The following TSPEAR variants were observed in gnomAD, a reference collection of about 807,000 sequenced individuals.
TSPEAR encodes thrombospondin-type laminin G domain and EAR repeat-containing protein.
Under a neutral mutation model 71.6 loss-of-function variants are expected in TSPEAR, and 69 were observed. The ratio of observed to expected loss-of-function variants is 0.96; its 90% confidence interval spans 0.79 to 1.18. The LOEUF (loss-of-function observed/expected upper bound fraction) is 1.18, where lower values mean the gene tolerates loss of function less well. Ranked by LOEUF, TSPEAR falls within the 50% of genes most tolerant of loss-of-function variation. The pLI, the probability that TSPEAR is intolerant of heterozygous loss-of-function variation, is 0.00. For synonymous variants in TSPEAR, 402 were observed against 387.2 expected, an observed-to-expected ratio of 1.04 and a Z score of -0.45; for missense variants, 971 against 894.9, an observed-to-expected ratio of 1.09 and a Z score of -1.09.
At position 44,697,154 on chromosome 21, in the gene TSPEAR, C is replaced by T. The variant is rs576915042; in HGVS notation, c.82+14279G>A. The T allele has an allele frequency of 3.8e-6, 6 of 1,594,076 alleles. No homozygotes were observed. The Admixed American group carries it at 6.8e-5, about 18-fold the overall frequency. ...CATCCAGCACCCAGACACTCACTGTCTCCCTCTCAGCTCCCCCAGCTCAAC... is the reference window on the plus strand; with the variant it reads ...CATCCAGCACCCAGACACTCACTGTTTCCCTCTCAGCTCCCCCAGCTCAAC... On this transcript the variant is annotated intron_variant, in intron 1 of 11. Coordinates refer to ENST00000323084, the MANE Select transcript of TSPEAR (RefSeq NM_144991.3).
At chr21:44,709,669 C>A (rs1555953209) in intron 1 of TSPEAR, among the ~76,000 whole-genome samples, 1 of 152,224 alleles carries the variant, frequency 6.6e-6, no homozygotes, top group African/African-American at 2.4e-5. Flanking sequence ...AAAGCTGAGA[C>A]GGCGCAGCCA....
At chr21:44,514,395 C>T (rs2145937228) in intron 9 of TSPEAR, among the ~76,000 whole-genome samples, 2 of 152,244 alleles carry the variant, frequency 1.3e-5, no homozygotes, top group South Asian at 4.1e-4. Flanking sequence ...TGTGCATGTA[C>T]ATGTGTGTTG....
At chr21:44,571,670 G>T (rs973348790) in intron 1 of TSPEAR, among the ~76,000 whole-genome samples, 3 of 152,206 alleles carry the variant, frequency 2.0e-5, no homozygotes, top group Admixed American at 6.5e-5. Flanking sequence ...GAGGGACAGC[G>T]TGTTGAAAGG....
chr21:44,654,875 G>A (rs189806422), intron 1 of TSPEAR, among the ~76,000 whole-genome samples: 232 of 152,238 alleles, frequency 1.5e-3, no homozygotes, highest in African/African-American at 5.3e-3. Flanking sequence ...CAGAGCAGGG[G>A]TAGCTGGTGA....
intron 1 of TSPEAR, among the ~76,000 whole-genome samples, chr21:44,606,856 G>A (rs914692515): frequency 4.6e-5 from 7 of 152,136 alleles, no homozygotes; most frequent in African/African-American, 9.7e-5. Context: ...ACCAGAGGCC[G>A]GGGGCTGCCA....
intron 1 of TSPEAR, among the ~76,000 whole-genome samples, chr21:44,641,783 C>T (rs1984033946): frequency 6.6e-6 from 1 of 152,156 alleles, no homozygotes; most frequent in Non-Finnish European, 1.5e-5. Flanking sequence ...GCATTGGTGG[C>T]CCAGCCTCTA....
chr21:44,677,833 G>C (rs1054708601), intron 1 of TSPEAR: 1 of 1,302,584 alleles, frequency 7.7e-7, no homozygotes, highest in Non-Finnish European at 1.1e-6. Flanking sequence ...ACCTCGAAGA[G>C]TTTGTCTGAG....
chr21:44,606,605 A>C (rs782639331), intron 1 of TSPEAR, among the ~76,000 whole-genome samples: 3 of 152,206 alleles, frequency 2.0e-5, no homozygotes, highest in Non-Finnish European at 2.9e-5. Context: ...ACAATAGCCT[A>C]GGTATGGAAT....
At chr21:44,669,715 C>T (rs1034985699) in intron 1 of TSPEAR, among the ~76,000 whole-genome samples, 15 of 152,200 alleles carry the variant, frequency 9.9e-5, no homozygotes, top group African/African-American at 3.1e-4. Context: ...CCTCGGCTTA[C>T]GGATCACCCG....
At chr21:44,555,770 G>A in intron 2 of TSPEAR, among the ~76,000 whole-genome samples, 1 of 152,174 alleles carries the variant, frequency 6.6e-6, no homozygotes, top group East Asian at 1.9e-4. Context: ...ACCCAGGACA[G>A]AGAGGTCTGG....
chr21:44,612,757 T>C lies in TSPEAR; in HGVS notation c.83-44752A>G, dbSNP rs782009803. 52 of 1,612,936 alleles carry C rather than the reference T, an allele frequency of 3.2e-5. No individual in the cohort carries two copies. The highest frequency in any genetic ancestry group is 1.1e-4 in the South Asian group (10 of 91,018). ...TCCTCTGCCGCCCTGTGTGCCGGCC[T>C]GCCTGCTGTGTGCCTGTCCCCTCCT... On this transcript the variant is annotated intron_variant, in intron 1 of 11. Coordinates refer to ENST00000323084, the MANE Select transcript of TSPEAR (RefSeq NM_144991.3). This position sits in a 1 kb window ranked among gnomAD's most constrained non-coding sequence, Gnocchi z 4.1.
At chr21:44,573,419 C>G (rs1978291754) in intron 1 of TSPEAR, among the ~76,000 whole-genome samples, 1 of 152,162 alleles carries the variant, frequency 6.6e-6, no homozygotes, top group Non-Finnish European at 1.5e-5. Flanking sequence ...ACACGTGGAC[C>G]ATGCCACCCT....
intron 1 of TSPEAR, among the ~76,000 whole-genome samples, chr21:44,633,244 T>G (rs587620436): frequency 6.6e-6 from 1 of 152,270 alleles, no homozygotes; most frequent in Admixed American, 6.5e-5. Context: ...CTACATATAA[T>G]CTTTATTTTC....
At chr21:44,530,322 C>T (rs1483444945) in intron 4 of TSPEAR, among the ~76,000 whole-genome samples, 1 of 151,978 alleles carries the variant, frequency 6.6e-6, no homozygotes, top group Non-Finnish European at 1.5e-5. Flanking sequence ...CCATCCATCC[C>T]TCCACCTACC....
At chr21:44,504,270 G>GGGAAGCAGGGCTCTGGGA (rs2052136568) in intron 11 of TSPEAR, among the ~76,000 whole-genome samples, 1 of 143,044 alleles carries the variant, frequency 7.0e-6, no homozygotes, top group Non-Finnish European at 1.5e-5. Flanking sequence ...AGCCCTCAGG[G>GGGAAGCAGGGCTCTGGGA]GGAAGCAGGG....
In TSPEAR at chr21:44,612,281, T is replaced by C. The variant is rs782209002; in HGVS notation, c.83-44276A>G. 3.7e-6 allele frequency: 6 copies of C among 1,613,492 alleles called. No individual in the cohort carries two copies. In the African/African-American group the frequency reaches 4.0e-5, roughly 11 times the overall value. ...GCCCCGCTCCTGTGCCTCCAGCTGC[T>C]GTACCCCTAGCTGCTGTGCCCCAGC... On this transcript the variant is annotated intron_variant, in intron 1 of 11. Transcript: ENST00000323084. This position sits in a 1 kb window ranked among gnomAD's most constrained non-coding sequence, Gnocchi z 4.1.
intron 1 of TSPEAR, chr21:44,658,422 C>A (rs1184747074): frequency 6.4e-5 from 41 of 642,664 alleles, no homozygotes; most frequent in Non-Finnish European, 9.6e-5. Flanking sequence ...ATGATTCAGA[C>A]CTTCCATGAC....
intron 2 of TSPEAR, among the ~76,000 whole-genome samples, chr21:44,566,466 C>G (rs1555921753): frequency 6.6e-6 from 1 of 152,112 alleles, no homozygotes; most frequent in East Asian, 1.9e-4. Flanking sequence ...TTTGTCCAAT[C>G]TCAAGCTAAC....
chr21:44,505,985 G>T (rs782522583), intron 10 of TSPEAR, among the ~76,000 whole-genome samples: 48 of 152,192 alleles, frequency 3.2e-4, no homozygotes, highest in Non-Finnish European at 6.3e-4. Context: ...TGCAGAAATG[G>T]CGTCACAGTG....
Sources: gnomAD v4.1 joint callset for allele counts (sites outside exome capture counted in the v4.1 genomes callset) on GRCh38, gnomAD v4.1.1 for gene constraint, Gnocchi (gnomAD v3.1) non-coding constraint, MANE v1.5 for transcripts, NCBI Gene and HGNC (gene_info 2026-07-23, HGNC 2026-07-21) for gene names.